Variants in TANGO6 observed in about 807,000 individuals in gnomAD.
TANGO6 encodes the protein transport and Golgi organization protein 6 homolog.
A neutral mutation model predicts 114.2 loss-of-function variants in TANGO6; 90 were observed. That is an observed-to-expected ratio of 0.79 (90% confidence interval 0.66 to 0.94). The LOEUF is 0.94. Among genes scored for constraint, TANGO6 ranks in the 40% least tolerant of loss-of-function variants. The probability of loss-of-function intolerance (pLI) is 0.00; values close to 1 mark genes in which losing one functional copy is unlikely to be tolerated. For missense variants in TANGO6, 1,274 were observed against 1,315.3 expected, an observed-to-expected ratio of 0.97 and a Z score of 0.49; for synonymous variants, 477 against 509.8, an observed-to-expected ratio of 0.94 and a Z score of 0.87.
chr16:68,963,572 C>T (rs1963615518), intron 14 of TANGO6, among the ~76,000 whole-genome samples: 1 of 152,182 alleles, frequency 6.6e-6, no homozygotes, highest in Non-Finnish European at 1.5e-5. Flanking sequence ...TGGACATGAC[C>T]TACTCACTTT....
At chr16:69,018,139 C>CTTTTTTTTTTTTTTTTTTTTTTTT (rs34796579) in intron 15 of TANGO6, among the ~76,000 whole-genome samples, 1 of 77,076 alleles carries the variant, frequency 1.3e-5, no homozygotes, top group Non-Finnish European at 2.5e-5. Flanking sequence ...TTGGAAATCT[C>CTTTTTTTTTTTTTTTTTTTTTTTT]TTTTTTTTTT....
chr16:68,945,789 G>T (rs1963408292), intron 14 of TANGO6, among the ~76,000 whole-genome samples: 1 of 151,646 alleles, frequency 6.6e-6, no homozygotes, highest in Admixed American at 6.6e-5. Flanking sequence ...AGGTTCAAGT[G>T]ATTCTCCTGC....
chr16:69,076,624 A>C (rs1335184592), intron 17 of TANGO6, among the ~76,000 whole-genome samples: 1 of 152,172 alleles, frequency 6.6e-6, no homozygotes, highest in Non-Finnish European at 1.5e-5. Context: ...CAACGCATGG[A>C]AAGTGCATGA....
chr16:68,943,905 A>T (rs189645723), intron 14 of TANGO6, among the ~76,000 whole-genome samples: 9 of 152,282 alleles, frequency 5.9e-5, no homozygotes, highest in African/African-American at 2.2e-4. Context: ...GGAGTTTTGG[A>T]AAAAGAGAGT....
rs1555525236 is a variant in TANGO6 at position 68,953,050 on chromosome 16, T to TTTTTTATTATTATTATTA, written c.2702-20976_2702-20975insTTTATTATTATTATTATT. ...ATGTTCATTCACTCAACAGGTATTT[T>TTTTTTATTATTATTATTA]TTATTATTATTATTATTATTATTAT... On this transcript the variant is annotated intron_variant, in intron 14 of 17. Transcript: ENST00000261778. Among the ~76,000 whole-genome samples the TTTTTTATTATTATTATTA allele has an allele frequency of 1.5e-3, 204 of 139,204 alleles. 2 individuals are homozygous for TTTTTTATTATTATTATTA. Among genetic ancestry groups the TTTTTTATTATTATTATTA allele is most frequent in the Admixed American group, 2.6e-3 (36 of 13,672 alleles). The allele number at this position is 139,204 out of a possible 152,430, so 91.3% of individuals were successfully genotyped here. A position where few individuals can be genotyped will look rare whatever the true frequency, so the allele number is the denominator to read the frequency against.
At chr16:69,082,900 C>T (rs1051127259) in intron 17 of TANGO6, among the ~76,000 whole-genome samples, 25 of 152,064 alleles carry the variant, frequency 1.6e-4, no homozygotes, top group Non-Finnish European at 1.3e-4. Context: ...GTCCTGAGGT[C>T]TCTGCCATGC....
chr16:68,916,752 G>GT (rs971902924), intron 11 of TANGO6, among the ~76,000 whole-genome samples: 29 of 151,236 alleles, frequency 1.9e-4, no homozygotes, highest in African/African-American at 7.0e-4. Flanking sequence ...TTTATAAAGA[G>GT]TTTTTTTTTA....
chr16:68,963,720 T>A (rs979740758), intron 14 of TANGO6, among the ~76,000 whole-genome samples: 1 of 152,234 alleles, frequency 6.6e-6, no homozygotes, highest in Non-Finnish European at 1.5e-5. Context: ...ACCATGTGGA[T>A]GTTATTCAGT....
rs781239555 is a variant in TANGO6 at position 69,083,491 on chromosome 16, A to C, written c.3115A>C (p.Ser1039Arg). ...GLSQKATEVL[S>R]AVLKDLYHLL... Reference sequence around the variant, plus strand: ...GGCTGTCTCTCTCATGCAGGTGCTGAGCGCCGTCCTCAAGGATCTCTACCA... The same window carrying C: ...GGCTGTCTCTCTCATGCAGGTGCTGCGCGCCGTCCTCAAGGATCTCTACCA... The change falls in exon 18 of 18, where the codon AGC (serine) becomes CGC (arginine). Residue 1039 changes from serine (S) to arginine (R), a missense_variant. By Grantham distance (110) the Ser-to-Arg change is moderately radical. Transcript: ENST00000261778. 4 of 1,609,582 alleles carry C rather than the reference A, an allele frequency of 2.5e-6. No homozygotes were observed. The East Asian group carries it at 8.9e-5, about 36-fold the overall frequency.
At chr16:68,943,953 G>A (rs1211803391) in intron 14 of TANGO6, among the ~76,000 whole-genome samples, 1 of 152,206 alleles carries the variant, frequency 6.6e-6, no homozygotes, top group Non-Finnish European at 1.5e-5. Flanking sequence ...ATTCTAAGAA[G>A]GGGAGGGGCA....
chr16:69,051,259 G>A (rs539368674), intron 17 of TANGO6, among the ~76,000 whole-genome samples: 120 of 151,794 alleles, frequency 7.9e-4, no homozygotes, highest in African/African-American at 2.4e-3. Flanking sequence ...ATTTACTTTC[G>A]GCTGAGCACG....
intron 17 of TANGO6, among the ~76,000 whole-genome samples, chr16:69,063,519 C>A (rs1273022814): frequency 6.7e-6 from 1 of 149,272 alleles, no homozygotes; most frequent in Admixed American, 6.7e-5. Context: ...AGCGAGACCC[C>A]GTCTCAAAAA....
intron 11 of TANGO6, among the ~76,000 whole-genome samples, chr16:68,914,730 A>G (rs1269199447): frequency 6.6e-6 from 1 of 152,126 alleles, no homozygotes; most frequent in African/African-American, 2.4e-5. Flanking sequence ...AGCCCCACCA[A>G]AATCACAGGA....
At chr16:68,854,016 A>G (rs1961945971) in intron 1 of TANGO6, among the ~76,000 whole-genome samples, 1 of 152,194 alleles carries the variant, frequency 6.6e-6, no homozygotes, top group Non-Finnish European at 1.5e-5. Flanking sequence ...TTCAGGATCA[A>G]TGCGTTTGTC....
intron 14 of TANGO6, among the ~76,000 whole-genome samples, chr16:68,969,252 C>T (rs1963679792): frequency 6.6e-6 from 1 of 152,132 alleles, no homozygotes; most frequent in Non-Finnish European, 1.5e-5. Flanking sequence ...TTTCAAGTCA[C>T]AAAGGAATTA....
chr16:69,063,643 CAAAAAAAAA>C (rs770332921), intron 17 of TANGO6, among the ~76,000 whole-genome samples: 3 of 35,782 alleles, frequency 8.4e-5, no homozygotes, highest in East Asian at 1.3e-3. Flanking sequence ...ACTCCATCTC[CAAAAAAAAA>C]AAAAAAAAAA....
intron 15 of TANGO6, among the ~76,000 whole-genome samples, chr16:69,007,936 G>A (rs7200768): frequency 0.03 from 4,548 of 152,116 alleles, 226 homozygotes; most frequent in African/African-American, 0.1. Flanking sequence ...CTTCTTGGAC[G>A]TTCATATATC....
chr16:68,988,212 C>G (rs973636970), intron 15 of TANGO6, among the ~76,000 whole-genome samples: 2 of 152,202 alleles, frequency 1.3e-5, no homozygotes, highest in Admixed American at 6.5e-5. Context: ...ATTCCTTTAT[C>G]TGCCTAAATA....
intron 14 of TANGO6, among the ~76,000 whole-genome samples, chr16:68,954,438 A>G (rs1433599091): frequency 1.3e-5 from 2 of 152,182 alleles, no homozygotes; most frequent in Non-Finnish European, 2.9e-5. Context: ...CACTCTAACC[A>G]GATGGCTCTC....
Sources: allele counts gnomAD v4.1 joint callset (sites outside exome capture counted in the v4.1 genomes callset), GRCh38; gene constraint gnomAD v4.1.1; transcripts MANE v1.5; gene names NCBI Gene and HGNC (gene_info 2026-07-23, HGNC 2026-07-21).